Variants in TRPM3 observed in about 807,000 individuals in gnomAD.
The protein encoded by TRPM3 is long transient receptor potential channel 3.
A neutral mutation model predicts 181.2 loss-of-function variants in TRPM3; 77 were observed. That is an observed-to-expected ratio of 0.42 (90% CI 0.35 to 0.51). TRPM3 has a LOEUF of 0.51. Ranked by LOEUF, TRPM3 falls within the 20% of genes least tolerant of loss-of-function variation. The pLI, the probability that TRPM3 is intolerant of heterozygous loss-of-function variation, is 0.01. For synonymous variants in TRPM3, 745 were observed against 796.4 expected, an observed-to-expected ratio of 0.94 and a Z score of 1.09; for missense variants, 1,759 against 2,196.7, an observed-to-expected ratio of 0.80 and a Z score of 3.98.
chr9:71,390,535 A>T (rs2093038064), intron 1 of TRPM3, among the ~76,000 whole-genome samples: 1 of 151,988 alleles, frequency 6.6e-6, no homozygotes, highest in South Asian at 2.1e-4. Flanking sequence ...CATAAATAAG[A>T]ATCTGTACTT....
intron 1 of TRPM3, among the ~76,000 whole-genome samples, chr9:71,305,337 CA>C (rs1015690229): frequency 6.6e-6 from 1 of 152,100 alleles, no homozygotes; most frequent in Non-Finnish European, 1.5e-5. Context: ...GACATTCTAG[CA>C]AAAATAAACC....
At chr9:71,122,946 A>G (rs1462217471), upstream of TRPM3, among the ~76,000 whole-genome samples, 1 of 152,234 alleles carries the variant, frequency 6.6e-6, no homozygotes, top group Admixed American at 6.5e-5. Flanking sequence ...TATTAAAATA[A>G]TAACGGCTCA....
chr9:70,974,883 T>TTTTTTTTTTG (rs2097287794), intron 1 of TRPM3, among the ~76,000 whole-genome samples: 1 of 147,942 alleles, frequency 6.8e-6, no homozygotes, highest in African/African-American at 2.5e-5. Context: ...TTTTTTTTTT[T>TTTTTTTTTTG]GAGGTAGAGT....
intron 1 of TRPM3, among the ~76,000 whole-genome samples, chr9:71,218,315 C>T (rs560711416): frequency 1.2e-4 from 18 of 152,090 alleles, no homozygotes; most frequent in East Asian, 3.9e-4. Context: ...ACATGTCCAG[C>T]GCTCTCTATA....
At chr9:71,061,385 A>T (rs1264600169) in intron 1 of TRPM3, among the ~76,000 whole-genome samples, 3 of 152,146 alleles carry the variant, frequency 2.0e-5, no homozygotes, top group Non-Finnish European at 4.4e-5. Flanking sequence ...GAATCAACAG[A>T]GGTGGCCAGA....
chr9:70,765,246 A>AG (rs1346468261), intron 7 of TRPM3, among the ~76,000 whole-genome samples: 2 of 152,170 alleles, frequency 1.3e-5, no homozygotes, highest in Non-Finnish European at 2.9e-5. Flanking sequence ...AGGGATGATA[A>AG]GGGGGAACAC....
chr9:71,368,774 C>A (rs996822328), intron 1 of TRPM3, among the ~76,000 whole-genome samples: 3 of 152,154 alleles, frequency 2.0e-5, no homozygotes, highest in African/African-American at 4.8e-5. Context: ...AAAACGAAAT[C>A]TTTTTGATTC....
rs866299316 is a variant in TRPM3 at position 71,330,148 on chromosome 9, G to A, written c.183+116505C>T. On this transcript the variant is annotated intron_variant, in intron 1 of 24. Coordinates refer to the TRPM3 transcript ENST00000357533. ...GTCCTGCTGTATCCTTCCTGCAGGC[G>A]GCTCTTGTGTTTGTCGGACCACACA... Among the ~76,000 whole-genome samples, 5 of 151,866 alleles carry A rather than the reference G, an allele frequency of 3.3e-5. No individual in the cohort carries two copies. In the Middle Eastern group the frequency reaches 0.014, roughly 419 times the overall value.
chr9:70,999,343 T>C (rs907436031), intron 1 of TRPM3, among the ~76,000 whole-genome samples: 1 of 151,850 alleles, frequency 6.6e-6, no homozygotes, highest in Non-Finnish European at 1.5e-5. Context: ...CTTCAGGTAG[T>C]AACTCAGGCC....
At chr9:70,675,060 CT>C (rs1487729432) in intron 9 of TRPM3, among the ~76,000 whole-genome samples, 1 of 151,876 alleles carries the variant, frequency 6.6e-6, no homozygotes, top group Non-Finnish European at 1.5e-5. Context: ...ACTGGCTATT[CT>C]TTTTGCATTT....
intron 1 of TRPM3, among the ~76,000 whole-genome samples, chr9:71,053,828 G>A (rs1423217623): frequency 3.3e-5 from 5 of 152,034 alleles, no homozygotes; most frequent in African/African-American, 7.2e-5. Context: ...CTAGCAGCAT[G>A]AGCATCATTA....
rs748409142 is a variant in TRPM3, at chr9:70,536,273, C to T, written c.4840G>A (p.Ala1614Thr). The T allele has an allele frequency of 6.2e-7, 1 of 1,614,050 alleles. No homozygotes were observed. Among genetic ancestry groups the T allele is most frequent in the African/African-American group, 1.3e-5 (1 of 74,914 alleles). Residue 1614 changes from alanine (A) to threonine (T), a missense_variant, in exon 26 of 26, where the codon GCC becomes ACC. Ala to Thr is a moderately conservative substitution (Grantham distance 58, BLOSUM62 0). Coordinates refer to ENST00000677713, the MANE Select transcript of TRPM3 (RefSeq NM_001366145.2). ...HPSSDSEENE[A>T]KGRRATIAIS... The stretch of plus-strand genomic sequence containing the variant: ...GCAATGGTGGCTCTGCGGCCTTTGG[C>T]CTCATTCTCCTCACTGTCAGAGCTG...
At chr9:70,781,186 G>A (rs2082360575) in intron 7 of TRPM3, among the ~76,000 whole-genome samples, 1 of 151,994 alleles carries the variant, frequency 6.6e-6, no homozygotes, top group South Asian at 2.1e-4. Flanking sequence ...TTAGCCAGGG[G>A]TGGTGGCAGG....
chr9:71,077,389 T>C (rs577280764), intron 1 of TRPM3, among the ~76,000 whole-genome samples: 1 of 152,216 alleles, frequency 6.6e-6, no homozygotes, highest in South Asian at 2.1e-4. Context: ...ACTCTTTCTC[T>C]AAGCTTCATC....
rs117250474 is a variant in TRPM3 at position 70,583,261 on chromosome 9, G to A, written c.3223+7770C>T. 9.3e-3 allele frequency among the ~76,000 whole-genome samples: 1,423 copies of A among 152,296 alleles called. 13 individuals carry two copies. The highest frequency in any genetic ancestry group is 0.012 in the Non-Finnish European group (844 of 68,030). On this transcript the variant is annotated intron_variant, in intron 22 of 25. Transcript: ENST00000677713. ...TGGAGGAGAGAAAAAAGAAATGTGA[G>A]TCTGCACATACACGTGAGAGTGTAT...
intron 1 of TRPM3, among the ~76,000 whole-genome samples, chr9:71,275,066 G>GA (rs56302331): frequency 6.6e-6 from 1 of 150,850 alleles, no homozygotes; most frequent in African/African-American, 2.4e-5. Flanking sequence ...GTAAGGCAAG[G>GA]AAAAAAAAAT....
intron 1 of TRPM3, among the ~76,000 whole-genome samples, chr9:70,998,729 C>A (rs2097569696): frequency 6.6e-6 from 1 of 152,168 alleles, no homozygotes; most frequent in African/African-American, 2.4e-5. Context: ...TACATTATTC[C>A]CATGAGAGGG....
chr9:71,374,265 C>G (rs2092607799), intron 1 of TRPM3, among the ~76,000 whole-genome samples: 1 of 151,782 alleles, frequency 6.6e-6, no homozygotes, highest in Admixed American at 6.6e-5. Flanking sequence ...TCCCAGCTAC[C>G]TGGGAGGCTG....
chr9:71,246,317 G>A (rs1300765033), intron 1 of TRPM3, among the ~76,000 whole-genome samples: 1 of 152,164 alleles, frequency 6.6e-6, no homozygotes, highest in Non-Finnish European at 1.5e-5. Context: ...AGGCATGTAT[G>A]CCAAGTCTCC....
Sources: gnomAD v4.1 joint callset for allele counts (sites outside exome capture counted in the v4.1 genomes callset) on GRCh38, gnomAD v4.1.1 for gene constraint, MANE v1.5 for transcripts, NCBI Gene and HGNC (gene_info 2026-07-23, HGNC 2026-07-21) for gene names.